MCC: variants seen among roughly 807,000 people sequenced by gnomAD.
MCC encodes the protein MCC regulator of Wnt signaling pathway, also known as colorectal mutant cancer protein.
Under a neutral mutation model 116.2 loss-of-function variants are expected in MCC, and 90 were observed. The observed-to-expected ratio is 0.77, with a 90% confidence interval of 0.65 to 0.92. MCC has a LOEUF of 0.92. Among genes scored for constraint, MCC ranks in the 40% least tolerant of loss-of-function variants. The pLI, the probability that MCC is intolerant of heterozygous loss-of-function variation, is 0.00. For missense variants in MCC, 1,516 were observed against 1,312.2 expected (o/e 1.16, Z -2.40); for synonymous variants, 578 against 510.5 (o/e 1.13, Z -1.78).
chr5:113,150,132 AAT>A (rs1016395928), intron 4 of MCC, among the ~76,000 whole-genome samples: 9 of 146,474 alleles, frequency 6.1e-5, no homozygotes, highest in African/African-American at 2.5e-4. Flanking sequence ...GGATGGGAAT[AAT>A]AGAGACAAAG....
intron 14 of MCC, among the ~76,000 whole-genome samples, chr5:113,055,852 C>A (rs745958113): frequency 6.6e-6 from 1 of 152,126 alleles, no homozygotes; most frequent in East Asian, 1.9e-4. Context: ...GAGTGAACCT[C>A]GTCTAATCAG....
chr5:113,085,448 A>G, intron 8 of MCC, 138 bp from the exon 9 acceptor site: 1 of 718,876 alleles, frequency 1.4e-6, no homozygotes, highest in East Asian at 2.7e-5. Context: ...GAGTCCACAT[A>G]AAAGTCATTA....
At chr5:113,470,542 G>T (rs188602448) in intron 1 of MCC, among the ~76,000 whole-genome samples, 2 of 152,096 alleles carry the variant, frequency 1.3e-5, no homozygotes, top group Admixed American at 1.3e-4. Context: ...AGTTTCTGCC[G>T]AGAGATCAGC....
intron 1 of MCC, among the ~76,000 whole-genome samples, chr5:113,471,395 G>T (rs1185092037): frequency 1.3e-5 from 2 of 152,108 alleles, no homozygotes; most frequent in African/African-American, 4.8e-5. Context: ...TAACAGACAG[G>T]ACCCTCAACT....
chr5:113,287,338 C>CT (rs1042504538), intron 3 of MCC, among the ~76,000 whole-genome samples: 9 of 150,722 alleles, frequency 6.0e-5, no homozygotes, highest in African/African-American at 9.9e-5. Context: ...TCAACAACTT[C>CT]TTTTTTTTGA....
chr5:113,219,207 A>C (rs1763447350), intron 3 of MCC, among the ~76,000 whole-genome samples: 1 of 152,218 alleles, frequency 6.6e-6, no homozygotes, highest in African/African-American at 2.4e-5. Flanking sequence ...GGGGTGCTGA[A>C]GATTTCATTT....
At chr5:113,112,686 G>T (rs1757167866) in intron 6 of MCC, among the ~76,000 whole-genome samples, 1 of 152,182 alleles carries the variant, frequency 6.6e-6, no homozygotes. Flanking sequence ...AAAAGTTGAT[G>T]ATTTCATTCA....
At chr5:113,148,843 C>T (rs1468453651) in intron 4 of MCC, among the ~76,000 whole-genome samples, 1 of 151,928 alleles carries the variant, frequency 6.6e-6, no homozygotes, top group Non-Finnish European at 1.5e-5. Context: ...ATAAGAGAGT[C>T]AATAAATGGT....
chr5:113,366,232 T>C (rs1442460246), intron 2 of MCC, among the ~76,000 whole-genome samples: 1 of 152,206 alleles, frequency 6.6e-6, no homozygotes, highest in African/African-American at 2.4e-5. Context: ...CTTTTTGGTT[T>C]TCTTTTTTTC....
Position 113,434,831 on chromosome 5 carries a change from G to A in MCC, c.171-49619C>T, listed in dbSNP as rs192415501. The A allele has an allele frequency of 5.7e-5, 91 of 1,606,358 alleles. No individual in the cohort carries two copies. The East Asian group carries it at 1.4e-3, about 24-fold the overall frequency. On this transcript the variant is annotated intron_variant, in intron 1 of 18. Transcript: ENST00000408903. The surrounding 1 kb of genome is among the most constrained non-coding windows in gnomAD (Gnocchi z 4.2). ...AGCCTCGTCGCTTGAGGACAGCAGC[G>A]TCATCCATGGTGCCAGGAATGCCCA... is the stretch of plus-strand genomic sequence containing the variant.
intron 17 of MCC, among the ~76,000 whole-genome samples, chr5:113,032,061 G>A (rs1750990210): frequency 1.3e-5 from 2 of 152,184 alleles, no homozygotes; most frequent in Non-Finnish European, 2.9e-5. Context: ...TGGGTTGGTT[G>A]ATCTGTTTTC....
intron 6 of MCC, among the ~76,000 whole-genome samples, chr5:113,108,787 C>T (rs891303495): frequency 6.6e-6 from 1 of 152,134 alleles, no homozygotes; most frequent in African/African-American, 2.4e-5. Flanking sequence ...CCAATGAGGG[C>T]TACACATACT....
intron 3 of MCC, among the ~76,000 whole-genome samples, chr5:113,153,026 C>T (rs932658144): frequency 1.3e-5 from 2 of 152,104 alleles, no homozygotes; most frequent in African/African-American, 2.4e-5. Flanking sequence ...GGAAGGGGAA[C>T]GAATTCACTC....
At position 113,447,394 on chromosome 5, in the gene MCC, T is replaced by C. The variant is rs953109272; in HGVS notation, c.170+40851A>G. Among the ~76,000 whole-genome samples, 12 of 152,320 alleles carry C rather than the reference T, an allele frequency of 7.9e-5. No individual in the cohort carries two copies. In the East Asian group the frequency reaches 9.7e-4, roughly 12 times the overall value. The stretch of plus-strand genomic sequence containing the variant: ...TTATAAAAAGAACACATGCTTGTTA[T>C]GTACAATTTGAAAAATATGCTGCAA... On this transcript the variant is annotated intron_variant, in intron 1 of 18. Transcript: ENST00000408903.
At chr5:113,243,680 T>C (rs1764466091) in intron 3 of MCC, among the ~76,000 whole-genome samples, 1 of 151,510 alleles carries the variant, frequency 6.6e-6, no homozygotes, top group African/African-American at 2.4e-5. Flanking sequence ...TTTATCCTTC[T>C]TTCTGTTTAA....
chr5:113,182,913 G>A (rs556193768), intron 3 of MCC, among the ~76,000 whole-genome samples: 1 of 152,328 alleles, frequency 6.6e-6, no homozygotes, highest in East Asian at 1.9e-4. Context: ...TCTCAGTAAT[G>A]TGCCACAGAC....
At chr5:113,314,899 A>C (rs990884741) in intron 3 of MCC, among the ~76,000 whole-genome samples, 1 of 152,128 alleles carries the variant, frequency 6.6e-6, no homozygotes, top group Non-Finnish European at 1.5e-5. Flanking sequence ...CCATTGGGTC[A>C]TAACCTTCAC....
intron 1 of MCC, among the ~76,000 whole-genome samples, chr5:113,486,531 G>C (rs1053246078): frequency 6.6e-6 from 1 of 152,168 alleles, no homozygotes; most frequent in African/African-American, 2.4e-5. Context: ...ATGCACTCTT[G>C]CCCGTGTGAA....
At chr5:113,459,157 G>C (rs1361133726) in intron 1 of MCC, among the ~76,000 whole-genome samples, 1 of 141,336 alleles carries the variant, frequency 7.1e-6, no homozygotes, top group African/African-American at 2.8e-5. Flanking sequence ...GTGTGTGTGT[G>C]TGTGTGTGTG....
Sources: allele counts gnomAD v4.1 joint callset (sites outside exome capture counted in the v4.1 genomes callset), GRCh38; gene constraint gnomAD v4.1.1; non-coding constraint Gnocchi (gnomAD v3.1); transcripts MANE v1.5; gene names NCBI Gene and HGNC (gene_info 2026-07-23, HGNC 2026-07-21).